ADAMTS3: variants seen among roughly 807,000 people sequenced by gnomAD.
The protein encoded by ADAMTS3 is A disintegrin and metalloproteinase with thrombospondin motifs 3.
A neutral mutation model predicts 129.0 loss-of-function variants in ADAMTS3; 73 were observed. The observed-to-expected ratio is 0.57, with a 90% CI of 0.47 to 0.69. The LOEUF is 0.69. Ranked by LOEUF, ADAMTS3 falls within the 30% of genes least tolerant of loss-of-function variation. The probability of loss-of-function intolerance (pLI) is 0.00; values close to 1 mark genes in which losing one functional copy is unlikely to be tolerated. For synonymous variants in ADAMTS3, 477 were observed against 510.8 expected (o/e 0.93, Z 0.89); for missense variants, 1,457 against 1,514.5 (o/e 0.96, Z 0.63).
At chr4:72,350,488 T>C (rs999595969) in intron 4 of ADAMTS3, among the ~76,000 whole-genome samples, 13 of 152,072 alleles carry the variant, frequency 8.5e-5, no homozygotes, top group African/African-American at 3.1e-4. Context: ...TAAGTTTAGA[T>C]GGGAGGTCTG....
At chr4:72,285,972 T>A (rs1178585434) in intron 21 of ADAMTS3, among the ~76,000 whole-genome samples, 2 of 152,178 alleles carry the variant, frequency 1.3e-5, no homozygotes, top group Non-Finnish European at 2.9e-5. Context: ...TGATAGAAAG[T>A]ATTACTTATT....
chr4:72,399,659 CTTAGAAAACTG>C (rs1274610804), intron 4 of ADAMTS3, among the ~76,000 whole-genome samples: 1 of 150,476 alleles, frequency 6.6e-6, no homozygotes, highest in Non-Finnish European at 1.5e-5. Context: ...TCAGGAGGAA[CTTAGAAAACTG>C]TCAAGAAGTT....
chr4:72,530,667 A>ATAATATT, intron 3 of ADAMTS3, among the ~76,000 whole-genome samples: 1 of 72,814 alleles, frequency 1.4e-5, no homozygotes, highest in South Asian at 3.8e-4. Context: ...TATATTATAT[A>ATAATATT]ATATATAATA....
intron 3 of ADAMTS3, among the ~76,000 whole-genome samples, chr4:72,498,944 C>G (rs1012196804): frequency 1.3e-5 from 2 of 152,050 alleles, no homozygotes; most frequent in Non-Finnish European, 2.9e-5. Context: ...AATATAAAAT[C>G]ACCTATAACA....
At chr4:72,410,416 C>G (rs1299062817) in intron 4 of ADAMTS3, among the ~76,000 whole-genome samples, 2 of 152,026 alleles carry the variant, frequency 1.3e-5, no homozygotes, top group Admixed American at 6.6e-5. Context: ...TGAAAGGAAG[C>G]TAGGAGATAA....
intron 3 of ADAMTS3, among the ~76,000 whole-genome samples, chr4:72,488,323 C>A (rs1052269127): frequency 3.9e-5 from 6 of 151,934 alleles, no homozygotes. Context: ...GATTACACTG[C>A]TATTTTTACT....
At chr4:72,383,100 T>C (rs1721337937) in intron 4 of ADAMTS3, among the ~76,000 whole-genome samples, 1 of 151,980 alleles carries the variant, frequency 6.6e-6, no homozygotes, top group South Asian at 2.1e-4. Flanking sequence ...CAAGAAGGAA[T>C]GCTTTTTTTT....
chr4:72,306,212 C>G (rs2109790968), intron 15 of ADAMTS3, 145 bp from the exon 16 acceptor site: 1 of 559,646 alleles, frequency 1.8e-6, no homozygotes, highest in East Asian at 3.2e-5. Context: ...AAATTAACTT[C>G]AAAGCATTGG....
intron 4 of ADAMTS3, among the ~76,000 whole-genome samples, chr4:72,404,300 T>C (rs1369164436): frequency 6.6e-6 from 1 of 151,914 alleles, no homozygotes; most frequent in African/African-American, 2.4e-5. Flanking sequence ...CAAATCAATA[T>C]AATATTGGCA....
intron 16 of ADAMTS3, 63 bp downstream of exon 16, chr4:72,305,924 T>C: frequency 1.5e-6 from 2 of 1,351,904 alleles, no homozygotes; most frequent in African/African-American, 1.5e-5. Flanking sequence ...ATATTTAGGA[T>C]TTCTTTGACA....
At chr4:72,312,174 G>A in intron 13 of ADAMTS3, 117 bp downstream of exon 13, 1 of 1,108,630 alleles carries the variant, frequency 9.0e-7, no homozygotes, top group East Asian at 2.4e-5. Context: ...ACTCCTATAA[G>A]CACCAAGTTT....
chr4:72,418,914 G>A (rs1722375723), intron 3 of ADAMTS3, among the ~76,000 whole-genome samples: 2 of 152,202 alleles, frequency 1.3e-5, no homozygotes, highest in South Asian at 2.1e-4. Flanking sequence ...CCCAACCTCA[G>A]GGGATTTTGT....
intron 3 of ADAMTS3, among the ~76,000 whole-genome samples, chr4:72,439,680 T>C (rs1156969210): frequency 6.6e-6 from 1 of 151,750 alleles, no homozygotes; most frequent in Non-Finnish European, 1.5e-5. Context: ...TTTAACATTA[T>C]TGAATTGGCA....
chr4:72,542,509 C>G (rs2109780418), intron 3 of ADAMTS3, among the ~76,000 whole-genome samples: 1 of 152,332 alleles, frequency 6.6e-6, no homozygotes, highest in Admixed American at 6.5e-5. Context: ...CCATTATTAA[C>G]AGAAACCCAT....
intron 3 of ADAMTS3, among the ~76,000 whole-genome samples, chr4:72,430,657 A>G (rs1452500403): frequency 1.3e-5 from 2 of 152,024 alleles, no homozygotes; most frequent in Non-Finnish European, 1.5e-5. Context: ...GTTTGAGGTG[A>G]TCTGTTCTAC....
At chr4:72,475,001 T>C (rs1159346148) in intron 3 of ADAMTS3, among the ~76,000 whole-genome samples, 2 of 149,214 alleles carry the variant, frequency 1.3e-5, no homozygotes, top group Non-Finnish European at 3.0e-5. Flanking sequence ...CACTCCAGCC[T>C]GGGCGACAGA....
At chr4:72,481,049 A>T (rs1719421691) in intron 3 of ADAMTS3, among the ~76,000 whole-genome samples, 1 of 152,126 alleles carries the variant, frequency 6.6e-6, no homozygotes. Context: ...GGTGAAAGAA[A>T]TCAAAGACCT....
intron 4 of ADAMTS3, among the ~76,000 whole-genome samples, chr4:72,388,408 C>T (rs1721500852): frequency 6.6e-6 from 1 of 152,150 alleles, no homozygotes; most frequent in African/African-American, 2.4e-5. Context: ...TCATCAAGAC[C>T]TACTAGAATT....
chr4:72,288,384 C>A (rs1047237197), intron 21 of ADAMTS3, among the ~76,000 whole-genome samples: 2 of 152,054 alleles, frequency 1.3e-5, no homozygotes, highest in African/African-American at 4.8e-5. Context: ...TAAAATATTT[C>A]AAAATCTTTG....
Sources: allele counts gnomAD v4.1 joint callset (sites outside exome capture counted in the v4.1 genomes callset), GRCh38; gene constraint gnomAD v4.1.1; transcripts MANE v1.5; gene names NCBI Gene and HGNC (gene_info 2026-07-23, HGNC 2026-07-21).